The following VIPAS39 variants were observed in gnomAD, a reference collection of about 807,000 sequenced individuals.
VIPAS39 encodes the protein spermatogenesis-defective protein 39 homolog.
VIPAS39 carries 63 observed loss-of-function variants against 84.7 expected under a neutral mutation model. The ratio of observed to expected loss-of-function variants is 0.74; its 90% CI spans 0.61 to 0.92. The LOEUF (loss-of-function observed/expected upper bound fraction) is 0.92. Ranked by LOEUF, VIPAS39 falls within the 40% of genes least tolerant of loss-of-function variation. The pLI, the probability that VIPAS39 is intolerant of heterozygous loss-of-function variation, is 0.00. For missense variants in VIPAS39, 499 were observed against 604.5 expected, an observed-to-expected ratio of 0.83 and a Z score of 1.83; for synonymous variants, 192 against 216.5, an observed-to-expected ratio of 0.89 and a Z score of 0.99.
At chr14:77,429,483 GT>G in intron 17 of VIPAS39, among the ~76,000 whole-genome samples, 197 bp downstream of exon 17, 1 of 147,492 alleles carries the variant, frequency 6.8e-6, no homozygotes, top group South Asian at 2.1e-4. Flanking sequence ...AGAGAGGACA[GT>G]TTGGAATTGT....
intron 13 of VIPAS39, 22 bp from the exon 14 acceptor site, chr14:77,435,415 GAAAAAA>G: frequency 1.4e-6 from 2 of 1,469,476 alleles, no homozygotes; most frequent in Middle Eastern, 3.8e-4. Context: ...TGAGCCAAGT[GAAAAAA>G]AAAAAAAACA....
chr14:77,437,578 A>G (rs2078633188), intron 12 of VIPAS39, among the ~76,000 whole-genome samples: 1 of 152,214 alleles, frequency 6.6e-6, no homozygotes, highest in Non-Finnish European at 1.5e-5. Flanking sequence ...CTTTAGGAAA[A>G]AAAATCTCTC....
At chr14:77,431,928 A>C (rs2078529612) in intron 16 of VIPAS39, among the ~76,000 whole-genome samples, 1 of 152,226 alleles carries the variant, frequency 6.6e-6, no homozygotes, top group Admixed American at 6.5e-5. Flanking sequence ...AAAATAGCCA[A>C]GATAAGGAAA....
intron 3 of VIPAS39, 22 bp downstream of exon 3, chr14:77,453,277 G>C: frequency 6.2e-7 from 1 of 1,607,904 alleles, no homozygotes; most frequent in Non-Finnish European, 8.5e-7. Context: ...ATCTATCCCT[G>C]CCTAGGGACT....
intron 8 of VIPAS39, among the ~76,000 whole-genome samples, chr14:77,443,837 C>T (rs1006821636): frequency 1.4e-5 from 2 of 147,168 alleles, no homozygotes; most frequent in Non-Finnish European, 3.0e-5. Flanking sequence ...TGTCCTACTG[C>T]ACACTAGCCT....
intron 7 of VIPAS39, among the ~76,000 whole-genome samples, chr14:77,446,751 C>T (rs895767115): frequency 1.6e-4 from 25 of 152,086 alleles, no homozygotes; most frequent in African/African-American, 5.8e-4. Context: ...GATAAATAAT[C>T]CAATGAACTA....
chr14:77,451,126 G>C (rs964985061), intron 4 of VIPAS39, 61 bp downstream of exon 4: 50 of 1,608,688 alleles, frequency 3.1e-5, no homozygotes, highest in Non-Finnish European at 3.8e-5. Context: ...GAAAATTATG[G>C]CCTAAGATTT....
At chr14:77,429,650 C>G in intron 17 of VIPAS39, 31 bp downstream of exon 17, 1 of 1,607,596 alleles carries the variant, frequency 6.2e-7, no homozygotes, top group Non-Finnish European at 8.5e-7. Flanking sequence ...CCAAGAATAT[C>G]CTGTACCCAA....
rs191370825 is a variant in VIPAS39 at position 77,428,524 on chromosome 14, G to C, written c.1357-50C>G. 2,664 of 1,565,692 alleles carry C rather than the reference G, an allele frequency of 1.7e-3. 7 individuals are homozygous for C. The highest frequency in any genetic ancestry group is 1.9e-3 in the Non-Finnish European group (2,129 of 1,140,818). Reference sequence around the variant, plus strand: ...AACCTCCAATCAGCCTCTGTACAGGGTTCTTTTTGCCCAGGATGGTCTCAA... The same window carrying C: ...AACCTCCAATCAGCCTCTGTACAGGCTTCTTTTTGCCCAGGATGGTCTCAA... On this transcript the variant is annotated intron_variant, in intron 18 of 19. Coordinates refer to ENST00000557658, the MANE Select transcript of VIPAS39 (RefSeq NM_001193315.2).
At chr14:77,448,766 A>T (rs917183530) in intron 6 of VIPAS39, among the ~76,000 whole-genome samples, 1 of 152,192 alleles carries the variant, frequency 6.6e-6, no homozygotes, top group Admixed American at 6.5e-5. Context: ...TGGATCAAAG[A>T]GGGAGGAGCC....
Position 77,449,304 on chromosome 14 carries a change from C to A in VIPAS39, c.436G>T (p.Gly146Trp). 4 of 1,614,212 alleles carry A rather than the reference C, an allele frequency of 2.5e-6. No homozygotes were observed. The highest frequency in any genetic ancestry group is 3.4e-6 in the Non-Finnish European group (4 of 1,180,028). Residue 146 changes from glycine (G) to tryptophan (W), a missense_variant, in exon 6 of 20, where the codon GGG (glycine) becomes TGG (tryptophan). Gly to Trp is a radical substitution (Grantham distance 184, BLOSUM62 -2). Coordinates refer to ENST00000557658, the MANE Select transcript of VIPAS39 (RefSeq NM_001193315.2). The part of the protein sequence containing the change: ...SYAPELGRPK[G>W]EYRDYSNDWS... ...ATGCTGTAACTCACCCTATACTCCC[C>A]TTTGGGTCTCCCCAGCTCTGGAGCA... is the stretch of plus-strand genomic sequence containing the variant.
chr14:77,435,149 C>G, intron 14 of VIPAS39, 110 bp downstream of exon 14: 1 of 1,552,830 alleles, frequency 6.4e-7, no homozygotes, highest in Non-Finnish European at 8.9e-7. Flanking sequence ...AGGTGGATTT[C>G]TGAGAACTAT....
At chr14:77,449,898 C>A in intron 4 of VIPAS39, 146 bp from the exon 5 acceptor site, 1 of 982,446 alleles carries the variant, frequency 1.0e-6, no homozygotes, top group Non-Finnish European at 1.5e-6. Flanking sequence ...CTGTAGAAAT[C>A]TGAAGTGCCA....
intron 3 of VIPAS39, 24 bp from the exon 4 acceptor site, chr14:77,451,357 C>T (rs746290130): frequency 1.2e-6 from 2 of 1,614,022 alleles, no homozygotes; most frequent in South Asian, 2.2e-5. Context: ...AGAACTACAT[C>T]AGCAATTCTC....
intron 9 of VIPAS39, 72 bp downstream of exon 9, chr14:77,443,047 G>C: frequency 6.3e-7 from 1 of 1,590,484 alleles, no homozygotes; most frequent in Admixed American, 1.7e-5. Flanking sequence ...TGGTATGAAA[G>C]GCACATGGCA....
rs555163292 is a variant in VIPAS39 at position 77,455,315 on chromosome 14, C to T, written c.1-1213G>A. Among the ~76,000 whole-genome samples the T allele has an allele frequency of 5.3e-5, 8 of 151,916 alleles. 1 individual carries two copies. In the South Asian group the frequency reaches 1.7e-3, roughly 32 times the overall value. ...GGGCAACATTGTAAAACTGTCTCTACAAAAAAATTTAAAAAACAAAACAAA... is the reference window on the plus strand; with the variant it reads ...GGGCAACATTGTAAAACTGTCTCTATAAAAAAATTTAAAAAACAAAACAAA... On this transcript the variant is annotated intron_variant, in intron 1 of 19. Coordinates refer to ENST00000557658, the MANE Select transcript of VIPAS39 (RefSeq NM_001193315.2).
At chr14:77,432,840 G>C (rs2078544304) in intron 16 of VIPAS39, among the ~76,000 whole-genome samples, 1 of 152,276 alleles carries the variant, frequency 6.6e-6, no homozygotes, top group Middle Eastern at 3.4e-3. Flanking sequence ...GTTAATAATA[G>C]TGTAGTGTAT....
chr14:77,441,851 T>C (rs2078708238), intron 10 of VIPAS39, among the ~76,000 whole-genome samples: 1 of 152,188 alleles, frequency 6.6e-6, no homozygotes, highest in African/African-American at 2.4e-5. Context: ...AAAGACATCA[T>C]GTGCACATAT....
chr14:77,446,347 A>G (rs2078789567), intron 7 of VIPAS39, among the ~76,000 whole-genome samples: 1 of 152,026 alleles, frequency 6.6e-6, no homozygotes, highest in Non-Finnish European at 1.5e-5. Flanking sequence ...TCTCTCGCCC[A>G]GGTTGGAGTG....
Sources: gnomAD v4.1 joint callset for allele counts (sites outside exome capture counted in the v4.1 genomes callset) on GRCh38, gnomAD v4.1.1 for gene constraint, MANE v1.5 for transcripts, NCBI Gene and HGNC (gene_info 2026-07-23, HGNC 2026-07-21) for gene names.